Variants in GSG1L2 observed in about 807,000 individuals in gnomAD.
The protein encoded by GSG1L2 is GSG1 like 2.
In GSG1L2, 15 loss-of-function variants were observed where a neutral mutation model predicts 9.0. That is an observed-to-expected ratio of 1.67 (90% CI 1.12 to 2.57). GSG1L2 has a LOEUF of 2.57. Among genes scored for constraint, GSG1L2 ranks in the 30% most tolerant of loss-of-function variants. The probability of loss-of-function intolerance (pLI) is 0.00; values close to 1 mark genes in which losing one functional copy is unlikely to be tolerated. For missense variants in GSG1L2, 286 were observed against 150.3 expected (o/e 1.90, Z -4.72); for synonymous variants, 127 against 57.9 (o/e 2.19, Z -5.41).
rs1276415917 is a variant in GSG1L2, at chr17:9,820,106, A to G, written c.310+1656T>C. ...ATTCCATCTCAAAATAAAAAATAAA[A>G]TAAAATAAAATAAAATAAGAATACA... is the stretch of plus-strand genomic sequence containing the variant. On this transcript the variant is annotated intron_variant, in intron 1 of 4. Coordinates refer to ENST00000399363, the MANE Select transcript of GSG1L2 (RefSeq NM_001310219.2). This position sits in a 1 kb window ranked among gnomAD's most constrained non-coding sequence, Gnocchi z 4.9. Among the ~76,000 whole-genome samples, 3 of 151,944 alleles carry G rather than the reference A, an allele frequency of 2.0e-5. No individual in the cohort carries two copies. Among genetic ancestry groups the G allele is most frequent in the Non-Finnish European group, 4.4e-5 (3 of 67,988 alleles).
intron 1 of GSG1L2, among the ~76,000 whole-genome samples, chr17:9,812,231 G>A (rs1326383717): frequency 6.6e-6 from 1 of 152,126 alleles, no homozygotes. Flanking sequence ...CAGGAACAGA[G>A]GGAGTTTAGG....
Position 9,821,981 on chromosome 17 carries a change from A to G in GSG1L2, c.91T>C (p.Trp31Arg), listed in dbSNP as rs759108960. ...ACCACCCGTCGGGTCCCCTCACACC[A>G]GTGGCTGCTGACCACGGCGGTGAGG... Reference protein sequence around the residue: ...FSLTAVVSSHWCEGTRRVVKP... With the variant: ...FSLTAVVSSHRCEGTRRVVKP... Residue 31 changes from tryptophan (W) to arginine (R), a missense_variant, in exon 1 of 5, where the codon TGG (tryptophan) becomes CGG (arginine). By Grantham distance (101) the Trp-to-Arg change is moderately radical (BLOSUM62 -3). Transcript: ENST00000399363. The G allele has an allele frequency of 2.8e-6, 2 of 703,080 alleles. No homozygotes were observed. The highest frequency in any genetic ancestry group is 4.0e-5 in the Admixed American group (2 of 50,018). The allele number at this position is 703,080 out of a possible 1,614,324, so 43.6% of individuals were successfully genotyped here.
chr17:9,821,895 G>T lies in GSG1L2; in HGVS notation c.177C>A (p.Asn59Lys). The change falls in exon 1 of 5, where the codon AAC becomes AAA. Residue 59 changes from asparagine (N) to lysine (K), a missense_variant. By Grantham distance (94) the Asn-to-Lys change is moderately conservative. Transcript: ENST00000399363. ...GQHCIHFKRD[N>K]SSNGRMDNNS... ...TGTTGTCCATCCTGCCATTGCTGCT[G>T]TTGTCCCGTTTGAAGTGAATGCAGT... 1 of 703,328 alleles carries T rather than the reference G, an allele frequency of 1.4e-6. No homozygotes were observed. Among genetic ancestry groups the T allele is most frequent in the Middle Eastern group, 2.3e-4 (1 of 4,372 alleles). 43.6% of individuals were successfully genotyped at this position (703,328 alleles called of 1,614,324 possible). A position where few individuals can be genotyped will look rare whatever the true frequency, so the allele number is the denominator to read the frequency against.
intron 1 of GSG1L2, among the ~76,000 whole-genome samples, chr17:9,815,334 G>A (rs1017071642): frequency 3.3e-5 from 5 of 152,350 alleles, no homozygotes; most frequent in Middle Eastern, 3.4e-3. Context: ...GGGTTGCAGT[G>A]AGGCAAGATT....
chr17:9,801,009 A>G lies in GSG1L2; in HGVS notation c.*1377T>C, dbSNP rs3803852. On this transcript the variant is annotated 3_prime_UTR_variant, in exon 5 of 5. Transcript: ENST00000399363. ...GTCAGGCAGGTGCTCACCTTGAGCC[A>G]CAAACACGAAGGTAGCTGGATTTTT... Among the ~76,000 whole-genome samples, 19,710 of 152,252 alleles carry G rather than the reference A, an allele frequency of 0.13. 1,312 individuals are homozygous for G. The highest frequency in any genetic ancestry group is 0.2 in the South Asian group (941 of 4,816).
In GSG1L2 at chr17:9,808,957, G is replaced by A. The variant is rs780917502; in HGVS notation, c.384C>T (p.Gly128=). Residue 128 remains glycine, a synonymous_variant, in exon 3 of 5, where the codon GGC becomes GGT. Coordinates refer to ENST00000399363, the MANE Select transcript of GSG1L2 (RefSeq NM_001310219.2). ...EQGVLWLSIG[G]EVLDIVLILT... is the part of the protein sequence containing the mutation. ...GTATCAGAACGATATCCAGGACCTC[G>A]CCCCCGATGGACAGCCACAAAACAC... The A allele has an allele frequency of 1.4e-6, 1 of 703,002 alleles. No individual in the cohort carries two copies. The highest frequency in any genetic ancestry group is 1.5e-5 in the South Asian group (1 of 67,602). 43.5% of individuals were successfully genotyped at this position (703,002 alleles called of 1,614,324 possible). A position where few individuals can be genotyped will look rare whatever the true frequency, so the allele number is the denominator to read the frequency against.
At chr17:9,817,483 G>A (rs2066572422) in intron 1 of GSG1L2, among the ~76,000 whole-genome samples, 1 of 150,948 alleles carries the variant, frequency 6.6e-6, no homozygotes. Flanking sequence ...GGAGTACAGT[G>A]GTGCGATCTT....
intron 4 of GSG1L2, among the ~76,000 whole-genome samples, chr17:9,802,918 G>C (rs2066502743): frequency 6.6e-6 from 1 of 152,076 alleles, no homozygotes; most frequent in African/African-American, 2.4e-5. Context: ...TTACCTCTTT[G>C]AATCAGTTCC....
intron 4 of GSG1L2, among the ~76,000 whole-genome samples, 167 bp from the exon 5 acceptor site, chr17:9,802,811 T>C (rs1597938419): frequency 6.6e-6 from 1 of 152,310 alleles, no homozygotes; most frequent in East Asian, 1.9e-4. Context: ...ACGTACTGTT[T>C]AGCCCAAGGG....
In GSG1L2 at chr17:9,810,788, A is replaced by G. The variant is rs74877719; in HGVS notation, c.311-170T>C. ...GTGGGAGCCTGATATAATCCACCCT[A>G]TTGGACTCTGGCTTGGCCACGTAAC... is the stretch of plus-strand genomic sequence containing the variant. On this transcript the variant is annotated intron_variant, in intron 1 of 4. Transcript: ENST00000399363. 3.6e-3 allele frequency: 2,172 copies of G among 607,454 alleles called. 52 individuals carry two copies. In the East Asian group the frequency reaches 0.051, roughly 14 times the overall value. The allele number at this position is 607,454 out of a possible 1,614,324, so 37.6% of individuals were successfully genotyped here.
chr17:9,808,242 C>A (rs2152022673), intron 3 of GSG1L2, among the ~76,000 whole-genome samples: 1 of 152,152 alleles, frequency 6.6e-6, no homozygotes, highest in Admixed American at 6.5e-5. Context: ...GAAAGGCCCA[C>A]TTAGGAGACC....
intron 1 of GSG1L2, among the ~76,000 whole-genome samples, chr17:9,814,564 T>A (rs1453406412): frequency 6.6e-6 from 1 of 151,888 alleles, no homozygotes; most frequent in Non-Finnish European, 1.5e-5. Context: ...GACGGGTGAG[T>A]TCAGCTTGGG....
intron 3 of GSG1L2, 118 bp from the exon 4 acceptor site, chr17:9,807,719 T>C (rs1213071883): frequency 1.5e-6 from 1 of 658,796 alleles, no homozygotes; most frequent in Non-Finnish European, 2.8e-6. Flanking sequence ...TTGATGTATC[T>C]GCATGTATTC....
intron 1 of GSG1L2, among the ~76,000 whole-genome samples, chr17:9,813,685 C>T (rs1322875985): frequency 6.6e-6 from 1 of 152,202 alleles, no homozygotes; most frequent in Non-Finnish European, 1.5e-5. Context: ...AGCCTTCTCT[C>T]ACGTCGCCTC....
chr17:9,812,227 C>T (rs1208672231), intron 1 of GSG1L2, among the ~76,000 whole-genome samples: 3 of 152,112 alleles, frequency 2.0e-5, no homozygotes, highest in Non-Finnish European at 4.4e-5. Flanking sequence ...ATTCCAGGAA[C>T]AGAGGGAGTT....
At position 9,820,143 on chromosome 17, in the gene GSG1L2, T is replaced by C. The variant is rs1014346447; in HGVS notation, c.310+1619A>G. Among the ~76,000 whole-genome samples the C allele has an allele frequency of 1.1e-4, 16 of 152,030 alleles. No individual in the cohort carries two copies. The highest frequency in any genetic ancestry group is 3.9e-4 in the African/African-American group (16 of 41,408). On this transcript the variant is annotated intron_variant, in intron 1 of 4. Transcript: ENST00000399363. The surrounding 1 kb of genome is among the most constrained non-coding windows in gnomAD (Gnocchi z 4.9). Reference sequence around the variant, plus strand: ...AAAATAAGAATACAGACCTCTAGACTCCACCCCGGCTCTCTTAAATTAGAA... The same window carrying C: ...AAAATAAGAATACAGACCTCTAGACCCCACCCCGGCTCTCTTAAATTAGAA...
intron 1 of GSG1L2, among the ~76,000 whole-genome samples, chr17:9,816,589 C>CGTGTCTGTGTGTCTGTGT (rs957200246): frequency 1.4e-5 from 1 of 68,984 alleles, no homozygotes; most frequent in African/African-American, 6.3e-5. Flanking sequence ...TGTGCACGTG[C>CGTGTCTGTGTGTCTGTGT]GTGTCTGTGT....
intron 4 of GSG1L2, chr17:9,805,046 A>G (rs1597939317): frequency 6.6e-6 from 1 of 152,162 alleles, no homozygotes; most frequent in African/African-American, 2.4e-5. Context: ...CTGGAAGACA[A>G]GTAGAGAAAA....
intron 1 of GSG1L2, among the ~76,000 whole-genome samples, chr17:9,816,390 CTGTGTCTG>C (rs1284476273): frequency 1.4e-5 from 2 of 148,074 alleles, no homozygotes; most frequent in African/African-American, 2.5e-5. Flanking sequence ...GCGTGTGTGT[CTGTGTCTG>C]TGTGTGTGTG....
Sources: gnomAD v4.1 joint callset for allele counts (sites outside exome capture counted in the v4.1 genomes callset) on GRCh38, gnomAD v4.1.1 for gene constraint, Gnocchi (gnomAD v3.1) non-coding constraint, MANE v1.5 for transcripts, NCBI Gene and HGNC (gene_info 2026-07-23, HGNC 2026-07-21) for gene names.